Variants in ETFDH observed in about 807,000 individuals in gnomAD.
The protein encoded by ETFDH is electron transfer flavoprotein dehydrogenase, also known as electron transfer flavoprotein-ubiquinone oxidoreductase, mitochondrial.
ETFDH carries 61 observed loss-of-function variants against 73.2 expected under a neutral mutation model. That is an observed-to-expected ratio of 0.83 (90% confidence interval 0.68 to 1.03). The LOEUF is 1.03. Ranked by LOEUF, ETFDH falls within the 50% of genes least tolerant of loss-of-function variation. The pLI is 0.00. For missense variants in ETFDH, 685 were observed against 745.0 expected, an observed-to-expected ratio of 0.92 and a Z score of 0.94; for synonymous variants, 243 against 253.3, an observed-to-expected ratio of 0.96 and a Z score of 0.39.
rs35572796 is a variant in ETFDH at position 158,684,389 on chromosome 4, CA to C, written c.406-185del. ...TGGGTGACAGAAAGAGACACTGTCT[CA>C]AAAAAAAAAAAAAAAAAGATTTCTG... On this transcript the variant is annotated intron_variant, in intron 3 of 12. Transcript: ENST00000511912. 0.87 allele frequency among the ~76,000 whole-genome samples: 92,106 copies of C among 105,564 alleles called. 39,865 individuals are homozygous for C. The highest frequency in any genetic ancestry group is 0.96 in the South Asian group (2,978 of 3,108). 69.3% of individuals were successfully genotyped at this position (105,564 alleles called of 152,430 possible). A position where few individuals can be genotyped will look rare whatever the true frequency, so the allele number is the denominator to read the frequency against.
At chr4:158,675,062 GAT>G (rs952269223) in intron 1 of ETFDH, among the ~76,000 whole-genome samples, 18 of 152,158 alleles carry the variant, frequency 1.2e-4, no homozygotes, top group African/African-American at 4.1e-4. Context: ...ACTTTAATAA[GAT>G]ATGTCACAAA....
In ETFDH at chr4:158,682,289, G is replaced by A. The variant is rs2150305205; in HGVS notation, c.270G>A (p.Leu90=). Residue 90 remains leucine (L), a synonymous_variant, in exon 3 of 13, where the codon TTG becomes TTA. Transcript: ENST00000511912. ...CTGCAGCTGTTCGTCTAAAACAGTTGGCTGTGGCACATGAAAAGGACATCC... is the reference window on the plus strand; with the variant it reads ...CTGCAGCTGTTCGTCTAAAACAGTTAGCTGTGGCACATGAAAAGGACATCC... ...GLSAAVRLKQ[L]AVAHEKDIRV... The A allele has an allele frequency of 7.4e-6, 12 of 1,614,204 alleles. No homozygotes were observed. The highest frequency in any genetic ancestry group is 9.3e-6 in the Non-Finnish European group (11 of 1,180,036).
intron 6 of ETFDH, among the ~76,000 whole-genome samples, chr4:158,693,992 G>A (rs1439143781): frequency 6.6e-6 from 1 of 152,054 alleles, no homozygotes; most frequent in Admixed American, 6.6e-5. Flanking sequence ...GAGGTTAAAT[G>A]TCATTTCTTC....
intron 10 of ETFDH, among the ~76,000 whole-genome samples, chr4:158,705,092 A>G (rs561932853): frequency 5.8e-4 from 88 of 152,340 alleles, no homozygotes; most frequent in Admixed American, 4.8e-3. Flanking sequence ...AGAACAGGAA[A>G]CAATGACTGG....
intron 2 of ETFDH, 89 bp from the exon 3 acceptor site, chr4:158,682,106 C>T (rs1773873454): frequency 1.3e-6 from 2 of 1,580,208 alleles, no homozygotes; most frequent in Non-Finnish European, 1.7e-6. Flanking sequence ...AAATAATACT[C>T]TAAAGCACAG....
chr4:158,672,911 C>A (rs1773614363), intron 1 of ETFDH, among the ~76,000 whole-genome samples: 2 of 152,270 alleles, frequency 1.3e-5, no homozygotes, highest in Admixed American at 6.5e-5. Flanking sequence ...CATTCTAGTT[C>A]AGTCTAAAGA....
intron 1 of ETFDH, among the ~76,000 whole-genome samples, chr4:158,672,856 C>T (rs1773612569): frequency 6.6e-6 from 1 of 152,172 alleles, no homozygotes; most frequent in Admixed American, 6.5e-5. Context: ...ATCGTATTTG[C>T]CCAGTTTTTC....
intron 6 of ETFDH, among the ~76,000 whole-genome samples, chr4:158,691,294 GTAAA>G (rs1774158713): frequency 6.6e-6 from 1 of 152,146 alleles, no homozygotes; most frequent in African/African-American, 2.4e-5. Flanking sequence ...CTATCAGTAG[GTAAA>G]TAGTGATATA....
Position 158,695,617 on chromosome 4 carries a change from C to G in ETFDH, c.805C>G (p.Gln269Glu), listed in dbSNP as rs1580411897. The change falls in exon 7 of 13, where the codon CAA (glutamine) becomes GAA (glutamate). Residue 269 changes from glutamine to glutamate, a missense_variant. Transcript: ENST00000511912. Reference sequence around the variant, plus strand: ...TGATTTGAGAGCAAATTGTGAACCTCAAACCTACGGGATTGGACTGAAGGA... The same window carrying G: ...TGATTTGAGAGCAAATTGTGAACCTGAAACCTACGGGATTGGACTGAAGGA... ...KFDLRANCEPQTYGIGLKELW... is the reference protein window; with the variant it reads ...KFDLRANCEPETYGIGLKELW... The G allele has an allele frequency of 1.9e-6, 3 of 1,611,800 alleles. No individual in the cohort carries two copies. In the South Asian group the frequency reaches 3.3e-5, roughly 18 times the overall value.
intron 3 of ETFDH, among the ~76,000 whole-genome samples, chr4:158,683,675 G>A (rs781624355): frequency 7.2e-5 from 11 of 152,132 alleles, no homozygotes; most frequent in Non-Finnish European, 1.3e-4. Context: ...AACCTCCGGG[G>A]CTCAAGTAAT....
intron 2 of ETFDH, 38 bp from the exon 3 acceptor site, chr4:158,682,157 T>G (rs776195109): frequency 2.0e-4 from 319 of 1,610,542 alleles, no homozygotes; most frequent in Non-Finnish European, 1.9e-4. Flanking sequence ...CATGTGATTA[T>G]TGGGTTATAT....
intron 6 of ETFDH, among the ~76,000 whole-genome samples, chr4:158,691,512 A>T (rs1251156883): frequency 6.6e-6 from 1 of 151,264 alleles, no homozygotes; most frequent in African/African-American, 2.4e-5. Context: ...TTTATTAGAG[A>T]TGGGGTTTTG....
intron 1 of ETFDH, among the ~76,000 whole-genome samples, chr4:158,677,257 G>T (rs549047880): frequency 6.6e-6 from 1 of 152,320 alleles, no homozygotes; most frequent in South Asian, 2.1e-4. Context: ...ATCCAAGGTG[G>T]CTGGGTTACA....
At chr4:158,690,308 A>C in intron 5 of ETFDH, 40 bp from the exon 6 acceptor site, 1 of 1,072,844 alleles carries the variant, frequency 9.3e-7, no homozygotes. Context: ...ATTATTATGA[A>C]TTCTAAGGTA....
Position 158,684,600 on chromosome 4 carries a change from T to G in ETFDH, c.414T>G (p.Leu138=), listed in dbSNP as rs751256504. 62 of 1,545,966 alleles carry G rather than the reference T, an allele frequency of 4.0e-5. No homozygotes were observed. In the East Asian group the frequency reaches 1.4e-3, roughly 35 times the overall value. ...TCTTCTTTTATTTCTAGGCTCCACT[T>G]AACACTCCTGTAACAGAAGACAGAT... The part of the protein sequence containing the change: ...FPDWKEKGAP[L]NTPVTEDRFG... The change falls in exon 4 of 13, where the codon CTT becomes CTG. Residue 138 remains leucine, a synonymous_variant. Coordinates refer to ENST00000511912, the MANE Select transcript of ETFDH (RefSeq NM_004453.4).
At chr4:158,684,392 A>C (rs1161451341) in intron 3 of ETFDH, among the ~76,000 whole-genome samples, 200 bp from the exon 4 acceptor site, 2 of 147,172 alleles carry the variant, frequency 1.4e-5, no homozygotes, top group Non-Finnish European at 3.0e-5. Context: ...ACTGTCTCAA[A>C]AAAAAAAAAA....
chr4:158,672,932 T>C (rs1197766860), intron 1 of ETFDH, among the ~76,000 whole-genome samples: 1 of 152,246 alleles, frequency 6.6e-6, no homozygotes, highest in African/African-American at 2.4e-5. Flanking sequence ...AATTGAAGTC[T>C]GATCTGTCAC....
chr4:158,677,282 A>G (rs1412644925), intron 1 of ETFDH, among the ~76,000 whole-genome samples: 1 of 152,232 alleles, frequency 6.6e-6, no homozygotes. Flanking sequence ...GATTTTATAC[A>G]TTTTAGGGAG....
chr4:158,682,526 C>CT (rs1161128122), intron 3 of ETFDH, 102 bp downstream of exon 3: 5 of 891,524 alleles, frequency 5.6e-6, no homozygotes, highest in African/African-American at 3.4e-5. Flanking sequence ...TCATGTAACT[C>CT]TATCTTTTTT....
Sources: gnomAD v4.1 joint callset for allele counts (sites outside exome capture counted in the v4.1 genomes callset) on GRCh38, gnomAD v4.1.1 for gene constraint, MANE v1.5 for transcripts, NCBI Gene and HGNC (gene_info 2026-07-23, HGNC 2026-07-21) for gene names.